LSM8: variants seen among roughly 807,000 people sequenced by gnomAD.
LSM8 encodes the protein LSM8 U6 small nuclear RNA associated.
Under a neutral mutation model 15.0 loss-of-function variants are expected in LSM8, and 14 were observed. The observed-to-expected ratio is 0.93, with a 90% CI of 0.62 to 1.46. The LOEUF (loss-of-function observed/expected upper bound fraction) is 1.46. Ranked by LOEUF, LSM8 falls within the 40% of genes most tolerant of loss-of-function variation. The pLI, the probability that LSM8 is intolerant of heterozygous loss-of-function variation, is 0.00. For missense variants in LSM8, 90 were observed against 115.4 expected, an observed-to-expected ratio of 0.78 and a Z score of 1.01; for synonymous variants, 50 against 42.1, an observed-to-expected ratio of 1.19 and a Z score of -0.73.
In LSM8 at chr7:118,192,541, A is replaced by G. The variant is rs1809001885; in HGVS notation, c.*539A>G. 6.6e-6 allele frequency: 1 copy of G among 152,182 alleles called. No individual in the cohort carries two copies. Among genetic ancestry groups the G allele is most frequent in the Non-Finnish European group, 1.5e-5 (1 of 68,010 alleles). 9.4% of individuals were successfully genotyped at this position (152,182 alleles called of 1,614,324 possible). On this transcript the variant is annotated 3_prime_UTR_variant, in exon 4 of 4. Coordinates refer to ENST00000249299, the MANE Select transcript of LSM8 (RefSeq NM_016200.5). ...AAAAATGTGTTTGCTTGAGAAAAGC[A>G]AAAATGCTAACAAGGTTTTGATAGA...
rs1449019312 is a variant in LSM8 at position 118,192,307 on chromosome 7, AAG to A, written c.*309_*310del. ...TTAGTATTTATGGAAACTAGTGGAA[AAG>A]AGAAATTAGTGTGCTATATAAATCA... On this transcript the variant is annotated 3_prime_UTR_variant, in exon 4 of 4. Coordinates refer to ENST00000249299, the MANE Select transcript of LSM8 (RefSeq NM_016200.5). The A allele has an allele frequency of 2.8e-5, 6 of 210,632 alleles. No individual in the cohort carries two copies. The East Asian group carries it at 4.8e-4, about 17-fold the overall frequency. The allele number at this position is 210,632 out of a possible 1,614,324, so 13.0% of individuals were successfully genotyped here.
In LSM8 at chr7:118,197,365, G is replaced by T. The variant is rs1809098036; in HGVS notation, c.*5363G>T. On this transcript the variant is annotated 3_prime_UTR_variant, in exon 4 of 4. Coordinates refer to ENST00000249299, the MANE Select transcript of LSM8 (RefSeq NM_016200.5). ...TGTCTTGTATTAAAAACTAGTGTGT[G>T]TTGGGGTGGGGAACAGGCAGGAAAC... Among the ~76,000 whole-genome samples, 2 of 152,010 alleles carry T rather than the reference G, an allele frequency of 1.3e-5. No homozygotes were observed. Among genetic ancestry groups the T allele is most frequent in the Admixed American group, 6.6e-5 (1 of 15,258 alleles).
In LSM8 at chr7:118,193,803, CT is replaced by C. The variant is rs889764865; in HGVS notation, c.*1805del. 6.6e-6 allele frequency among the ~76,000 whole-genome samples: 1 copy of C among 152,048 alleles called. No homozygotes were observed. Among genetic ancestry groups the C allele is most frequent in the African/African-American group, 2.4e-5 (1 of 41,408 alleles). ...GTACAAATGAAGTCCAGAGTCAGAT[CT>C]TTTCTCAAAATACTTGGCATATCAA... On this transcript the variant is annotated 3_prime_UTR_variant, in exon 4 of 4. Coordinates refer to ENST00000249299, the MANE Select transcript of LSM8 (RefSeq NM_016200.5).
chr7:118,184,515 A>T (rs2116315788), intron 1 of LSM8: 1 of 393,340 alleles, frequency 2.5e-6, no homozygotes, highest in African/African-American at 2.1e-5. Context: ...TCTTAAAAAA[A>T]ATGTACGCTC....
Position 118,196,852 on chromosome 7 carries a change from C to T in LSM8, c.*4850C>T, listed in dbSNP as rs1055964671. Among the ~76,000 whole-genome samples the T allele has an allele frequency of 4.6e-5, 7 of 151,912 alleles. No individual in the cohort carries two copies. In the East Asian group the frequency reaches 1.4e-3, roughly 29 times the overall value. On this transcript the variant is annotated 3_prime_UTR_variant, in exon 4 of 4. Transcript: ENST00000249299. ...TCAAGCGATTCCCCTGCCTTAGCCTCCCGAGTAGCTGGGACTACAGGCACG... is the reference window on the plus strand; with the variant it reads ...TCAAGCGATTCCCCTGCCTTAGCCTTCCGAGTAGCTGGGACTACAGGCACG...
rs138307691 is a variant in LSM8, at chr7:118,195,548, G to A, written c.*3546G>A. Among the ~76,000 whole-genome samples, 790 of 152,252 alleles carry A rather than the reference G, an allele frequency of 5.2e-3. 6 individuals are homozygous for A. Among genetic ancestry groups the A allele is most frequent in the African/African-American group, 0.017 (724 of 41,530 alleles). On this transcript the variant is annotated 3_prime_UTR_variant, in exon 4 of 4. Transcript: ENST00000249299. ...GGAATTGAGGTTATGTGGGAAGTAC[G>A]TGTAAGTTTACAGTATTAAGAAATG...
Position 118,195,710 on chromosome 7 carries a change from A to G in LSM8, c.*3708A>G, listed in dbSNP as rs547870050. ...ATAGTCATTACCTCATATAGATTTA[A>G]TTTTATTAAATTAAATTTTACTTAT... On this transcript the variant is annotated 3_prime_UTR_variant, in exon 4 of 4. Transcript: ENST00000249299. Among the ~76,000 whole-genome samples, 27 of 152,150 alleles carry G rather than the reference A, an allele frequency of 1.8e-4. No homozygotes were observed. The highest frequency in any genetic ancestry group is 3.2e-4 in the Non-Finnish European group (22 of 68,040).
At chr7:118,189,082 A>AAACACTGTC (rs1176209726) in intron 3 of LSM8, 2 of 152,132 alleles carry the variant, frequency 1.3e-5, no homozygotes, top group African/African-American at 4.8e-5. Context: ...CAACATGGCA[A>AAACACTGTC]AACACTGTCT....
rs1288171284 is a variant in LSM8, at chr7:118,195,835, TTGA to T, written c.*3835_*3837del. On this transcript the variant is annotated 3_prime_UTR_variant, in exon 4 of 4. Coordinates refer to ENST00000249299, the MANE Select transcript of LSM8 (RefSeq NM_016200.5). The stretch of plus-strand genomic sequence containing the variant: ...TCTACATGTAATACTGAAAAAAATG[TTGA>T]TAAGGTAAAGCTATCTCCATTTAGA... Among the ~76,000 whole-genome samples the T allele has an allele frequency of 5.3e-5, 8 of 152,232 alleles. No individual in the cohort carries two copies. The highest frequency in any genetic ancestry group is 1.3e-4 in the Admixed American group (2 of 15,284).
Position 118,188,597 on chromosome 7 carries a change from C to A in LSM8, c.200+192C>A, listed in dbSNP as rs140444931. The A allele has an allele frequency of 2.9e-5, 13 of 445,234 alleles. No homozygotes were observed. The East Asian group carries it at 5.5e-4, about 19-fold the overall frequency. 27.6% of individuals were successfully genotyped at this position (445,234 alleles called of 1,614,324 possible). On this transcript the variant is annotated intron_variant, in intron 3 of 3. Transcript: ENST00000249299. ...ATGTATACATTTTATGTCAGCACTT[C>A]TTTAGGTTTCAACCAAAGCTGTCTC...
rs1809004672 is a variant in LSM8, at chr7:118,192,687, A to G, written c.*685A>G. The G allele has an allele frequency of 6.6e-6, 1 of 152,162 alleles. No individual in the cohort carries two copies. The highest frequency in any genetic ancestry group is 2.1e-4 in the South Asian group (1 of 4,824). The allele number at this position is 152,162 out of a possible 1,614,324, so 9.4% of individuals were successfully genotyped here. A position where few individuals can be genotyped will look rare whatever the true frequency, so the allele number is the denominator to read the frequency against. On this transcript the variant is annotated 3_prime_UTR_variant, in exon 4 of 4. Transcript: ENST00000249299. ...GTATGAAAGTAATATGAACACATTA[A>G]TGTTGAATTTTACAGACAGTATATT...
Position 118,185,555 on chromosome 7 carries a change from A to G in LSM8, c.32-99A>G, listed in dbSNP as rs1808872579. 3.8e-6 allele frequency: 4 copies of G among 1,048,540 alleles called. No homozygotes were observed. In the South Asian group the frequency reaches 4.1e-5, roughly 11 times the overall value. The allele number at this position is 1,048,540 out of a possible 1,614,324, so 65.0% of individuals were successfully genotyped here. Reference sequence around the variant, plus strand: ...GTGGCTGTGTTGAATACTTATACCTAGTTGTCATATTTATTCTAAAAATTC... The same window carrying G: ...GTGGCTGTGTTGAATACTTATACCTGGTTGTCATATTTATTCTAAAAATTC... On this transcript the variant is annotated intron_variant, in intron 1 of 3. Transcript: ENST00000249299.
In LSM8 at chr7:118,196,699, T is replaced by TA. The variant is rs1809082723; in HGVS notation, c.*4697_*4698insA. Among the ~76,000 whole-genome samples, 3 of 118,482 alleles carry TA rather than the reference T, an allele frequency of 2.5e-5. No individual in the cohort carries two copies. The highest frequency in any genetic ancestry group is 3.6e-5 in the Non-Finnish European group (2 of 54,978). The allele number at this position is 118,482 out of a possible 152,430, so 77.7% of individuals were successfully genotyped here. On this transcript the variant is annotated 3_prime_UTR_variant, in exon 4 of 4. Transcript: ENST00000249299. ...GTTTCTTTTTTTTTAAGTCCTTTAATTTTTATTTATTTATTTATTTATTTA... is the reference window on the plus strand; with the variant it reads ...GTTTCTTTTTTTTTAAGTCCTTTAATATTTTATTTATTTATTTATTTATTTA...
rs1405400192 is a variant in LSM8, at chr7:118,197,589, TTTTTTATTTTAAAATTTAAA to T, written c.*5602_*5621del. 7.3e-4 allele frequency among the ~76,000 whole-genome samples: 111 copies of T among 152,332 alleles called. 1 individual carries two copies. Among genetic ancestry groups the T allele is most frequent in the Middle Eastern group, 3.4e-3 (1 of 294 alleles). On this transcript the variant is annotated 3_prime_UTR_variant, in exon 4 of 4. Coordinates refer to ENST00000249299, the MANE Select transcript of LSM8 (RefSeq NM_016200.5). The stretch of plus-strand genomic sequence containing the variant: ...ATCACAATGATAGTTAAAAGTTAAA[TTTTTTATTTTAAAATTTAAA>T]TTTTTATTTTAAAAAATAGCTCTCT...
In LSM8 at chr7:118,198,960, A is replaced by AAACCCTG. The variant is rs1336636364; in HGVS notation, c.*6962_*6968dup. 3.9e-5 allele frequency among the ~76,000 whole-genome samples: 6 copies of AAACCCTG among 152,302 alleles called. No individual in the cohort carries two copies. The highest frequency in any genetic ancestry group is 3.9e-4 in the Admixed American group (6 of 15,302). On this transcript the variant is annotated 3_prime_UTR_variant, in exon 4 of 4. Transcript: ENST00000249299. ...TATTTATGTGACTGAACCCTCATAA[A>AAACCCTG]AACCCTGAACACCAAGGCTCAAGAG...
At chr7:118,191,635 A>G (rs1808983011) in intron 3 of LSM8, 1 of 275,178 alleles carries the variant, frequency 3.6e-6, no homozygotes, top group Non-Finnish European at 6.8e-6. Flanking sequence ...GTTTCCTTTA[A>G]AGATTCATGA....
chr7:118,193,664 T>C lies in LSM8; in HGVS notation c.*1662T>C, dbSNP rs915557579. 1.3e-5 allele frequency among the ~76,000 whole-genome samples: 2 copies of C among 152,084 alleles called. No individual in the cohort carries two copies. The highest frequency in any genetic ancestry group is 2.9e-5 in the Non-Finnish European group (2 of 67,974). On this transcript the variant is annotated 3_prime_UTR_variant, in exon 4 of 4. Coordinates refer to ENST00000249299, the MANE Select transcript of LSM8 (RefSeq NM_016200.5). The stretch of plus-strand genomic sequence containing the variant: ...AAGTGGGTAAGGCAAACAGGCAAAT[T>C]TAGGGACTGTGAATGAAATATTGTA...
In LSM8 at chr7:118,196,698, A is replaced by C. The variant is rs937476451; in HGVS notation, c.*4696A>C. 8.5e-6 allele frequency among the ~76,000 whole-genome samples: 1 copy of C among 117,210 alleles called. No homozygotes were observed. Among genetic ancestry groups the C allele is most frequent in the Non-Finnish European group, 1.8e-5 (1 of 55,446 alleles). 76.9% of individuals were successfully genotyped at this position (117,210 alleles called of 152,430 possible). On this transcript the variant is annotated 3_prime_UTR_variant, in exon 4 of 4. Coordinates refer to ENST00000249299, the MANE Select transcript of LSM8 (RefSeq NM_016200.5). ...TGTTTCTTTTTTTTTAAGTCCTTTA[A>C]TTTTTATTTATTTATTTATTTATTT... is the stretch of plus-strand genomic sequence containing the variant.
intron 2 of LSM8, among the ~76,000 whole-genome samples, chr7:118,186,463 G>T (rs10240755): frequency 0.045 from 6,834 of 151,770 alleles, 505 homozygotes; most frequent in African/African-American, 0.15. Flanking sequence ...TTTTGCTTTT[G>T]TTCATTTTCT....
Sources: allele counts gnomAD v4.1 joint callset (sites outside exome capture counted in the v4.1 genomes callset), GRCh38; gene constraint gnomAD v4.1.1; transcripts MANE v1.5; gene names NCBI Gene and HGNC (gene_info 2026-07-23, HGNC 2026-07-21).